Variants in COL8A1 observed in about 807,000 individuals in gnomAD.
COL8A1 encodes the protein collagen type VIII alpha 1 chain, also known as collagen alpha-1(VIII) chain.
COL8A1 carries 21 observed loss-of-function variants against 42.7 expected under a neutral mutation model. The observed-to-expected ratio is 0.49, with a 90% CI of 0.35 to 0.71. COL8A1 has a LOEUF of 0.71. Ranked by LOEUF, COL8A1 falls within the 30% of genes least tolerant of loss-of-function variation. The probability of loss-of-function intolerance (pLI) is 0.01; values close to 1 mark genes in which losing one functional copy is unlikely to be tolerated. For missense variants in COL8A1, 788 were observed against 962.4 expected, an observed-to-expected ratio of 0.82 and a Z score of 2.40; for synonymous variants, 367 against 369.1, an observed-to-expected ratio of 0.99 and a Z score of 0.06.
intron 2 of COL8A1, among the ~76,000 whole-genome samples, chr3:99,765,823 C>T (rs1941454423): frequency 6.6e-6 from 1 of 152,194 alleles, no homozygotes; most frequent in Non-Finnish European, 1.5e-5. Context: ...TCTAACACAA[C>T]AGATTTATCT....
intron 1 of COL8A1, among the ~76,000 whole-genome samples, chr3:99,652,556 C>G (rs1293125857): frequency 6.6e-6 from 1 of 152,150 alleles, no homozygotes; most frequent in African/African-American, 2.4e-5. Context: ...TGAATCTTAA[C>G]AAAATCACAT....
intron 2 of COL8A1, among the ~76,000 whole-genome samples, chr3:99,750,282 C>G (rs1043508083): frequency 6.6e-6 from 1 of 151,956 alleles, no homozygotes; most frequent in African/African-American, 2.4e-5. Context: ...GTCTTGAACT[C>G]CTGATCTCCA....
At chr3:99,766,495 T>G (rs750222978) in intron 2 of COL8A1, among the ~76,000 whole-genome samples, 13 of 152,266 alleles carry the variant, frequency 8.5e-5, no homozygotes, top group Non-Finnish European at 1.9e-4. Flanking sequence ...TTTATATTCT[T>G]TCCTCATTAA....
At chr3:99,661,887 C>T (rs1938216247) in intron 1 of COL8A1, among the ~76,000 whole-genome samples, 1 of 152,100 alleles carries the variant, frequency 6.6e-6, no homozygotes, top group Non-Finnish European at 1.5e-5. Context: ...TGTATGATTC[C>T]ATTTATTTGA....
At position 99,796,105 on chromosome 3, in the gene COL8A1, C is replaced by T. The variant is rs754004055; in HGVS notation, c.2204C>T (p.Ser735Phe). 19 of 1,533,748 alleles carry T rather than the reference C, an allele frequency of 1.2e-5. No individual in the cohort carries two copies. The highest frequency in any genetic ancestry group is 1.6e-5 in the Non-Finnish European group (18 of 1,138,454). ...TATGCCGGGCAGTATGTCCACTCCT[C>T]CTTTTCAGGATATTTATTGTATCCC... ...GLYAGQYVHS[S>F]FSGYLLYPM Residue 735 changes from serine to phenylalanine, a missense_variant, in exon 4 of 4, where the codon TCC becomes TTC. By Grantham distance (155) the Ser-to-Phe change is radical. This residue lies in a region of COL8A1 where 212 missense variants were observed against 210.9 expected (regional missense o/e 1.00). Coordinates refer to ENST00000652472, the MANE Select transcript of COL8A1 (RefSeq NM_020351.4).
At chr3:99,741,275 T>A (rs1385549057) in intron 1 of COL8A1, among the ~76,000 whole-genome samples, 1 of 152,214 alleles carries the variant, frequency 6.6e-6, no homozygotes, top group Non-Finnish European at 1.5e-5. Flanking sequence ...GTGTTAGTAT[T>A]TTTTTCTTGG....
intron 1 of COL8A1, among the ~76,000 whole-genome samples, chr3:99,721,254 G>A (rs971158403): frequency 6.6e-6 from 1 of 151,482 alleles, no homozygotes; most frequent in Non-Finnish European, 1.5e-5. Context: ...TGTAATATGG[G>A]TCAAAAACAT....
At chr3:99,715,018 G>T (rs956223916) in intron 1 of COL8A1, among the ~76,000 whole-genome samples, 5 of 152,150 alleles carry the variant, frequency 3.3e-5, no homozygotes, top group Non-Finnish European at 5.9e-5. Context: ...GAATAGCAAG[G>T]TCTTTGTGGT....
At chr3:99,640,053 T>G (rs1227679266) in intron 1 of COL8A1, among the ~76,000 whole-genome samples, 1 of 152,220 alleles carries the variant, frequency 6.6e-6, no homozygotes, top group African/African-American at 2.4e-5. Context: ...ATATCAAAAG[T>G]AATAAAAATA....
chr3:99,787,677 T>A (rs192859108), intron 2 of COL8A1, among the ~76,000 whole-genome samples: 8 of 152,298 alleles, frequency 5.3e-5, no homozygotes, highest in Non-Finnish European at 2.9e-5. Flanking sequence ...TTAGTGAAGA[T>A]AAAGGACTTG....
intron 1 of COL8A1, among the ~76,000 whole-genome samples, chr3:99,668,434 A>G (rs897511973): frequency 2.6e-5 from 4 of 152,178 alleles, no homozygotes; most frequent in African/African-American, 4.8e-5. Flanking sequence ...TGAAAAATAC[A>G]CTATTCTTGC....
chr3:99,688,737 A>T (rs959899329), intron 1 of COL8A1, among the ~76,000 whole-genome samples: 1 of 152,158 alleles, frequency 6.6e-6, no homozygotes. Context: ...AATTTTGTTC[A>T]AATATGCCCA....
chr3:99,756,704 A>T (rs1026775741), intron 2 of COL8A1, among the ~76,000 whole-genome samples: 1 of 152,256 alleles, frequency 6.6e-6, no homozygotes, highest in Non-Finnish European at 1.5e-5. Flanking sequence ...ATTTCCAGGC[A>T]GCTACGCTGT....
chr3:99,755,506 T>C (rs1941236936), intron 2 of COL8A1, among the ~76,000 whole-genome samples: 1 of 152,130 alleles, frequency 6.6e-6, no homozygotes, highest in Non-Finnish European at 1.5e-5. Context: ...TTCTGTCTAG[T>C]TGGAGAAGAG....
At chr3:99,768,887 C>A (rs997679691) in intron 2 of COL8A1, among the ~76,000 whole-genome samples, 10 of 152,228 alleles carry the variant, frequency 6.6e-5, no homozygotes, top group Non-Finnish European at 1.5e-4. Context: ...GTTATTCACA[C>A]ACATGTGAAT....
chr3:99,754,503 G>A lies in COL8A1; in HGVS notation c.-4+9482G>A, dbSNP rs138038261. On this transcript the variant is annotated intron_variant, in intron 2 of 3. Transcript: ENST00000652472. ...AAGAGGTTTGATCTCCTGGTCTATC[G>A]TCCATAAGTGCTAGCAGTAAACAAT... is the stretch of plus-strand genomic sequence containing the variant. 3.4e-3 allele frequency among the ~76,000 whole-genome samples: 509 copies of A among 151,890 alleles called. 5 individuals are homozygous for A. Among genetic ancestry groups the A allele is most frequent in the African/African-American group, 0.012 (485 of 41,422 alleles).
At chr3:99,753,653 T>A (rs1353313827) in intron 2 of COL8A1, among the ~76,000 whole-genome samples, 6 of 152,186 alleles carry the variant, frequency 3.9e-5, no homozygotes, top group Admixed American at 2.0e-4. Context: ...AACTGCTTTT[T>A]TTTTACACAA....
chr3:99,752,892 G>A (rs1353866630), intron 2 of COL8A1, among the ~76,000 whole-genome samples: 2 of 152,122 alleles, frequency 1.3e-5, no homozygotes, highest in Non-Finnish European at 2.9e-5. Flanking sequence ...GGGAGAAGGG[G>A]AGATGGGTAT....
intron 1 of COL8A1, among the ~76,000 whole-genome samples, chr3:99,666,854 A>T (rs17777478): frequency 0.022 from 3,360 of 152,320 alleles, 84 homozygotes; most frequent in South Asian, 0.11. Flanking sequence ...CAAGTTCTCA[A>T]ACTAAATACA....
Sources: allele counts gnomAD v4.1 joint callset (sites outside exome capture counted in the v4.1 genomes callset), GRCh38; gene constraint gnomAD v4.1.1; regional missense constraint gnomAD v4.1.1; transcripts MANE v1.5; gene names NCBI Gene and HGNC (gene_info 2026-07-23, HGNC 2026-07-21).